The following CEP85L variants were observed in gnomAD, a reference collection of about 807,000 sequenced individuals.
CEP85L encodes centrosomal protein 85L.
A neutral mutation model predicts 100.3 loss-of-function variants in CEP85L; 60 were observed. The observed-to-expected ratio is 0.60, with a 90% CI of 0.49 to 0.74. The LOEUF (loss-of-function observed/expected upper bound fraction) is 0.74, where lower values mean the gene tolerates loss of function less well. CEP85L is among the 30% of genes least tolerant of loss of function. The pLI is 0.00. For synonymous variants in CEP85L, 319 were observed against 322.7 expected (o/e 0.99, Z 0.12); for missense variants, 973 against 936.2 (o/e 1.04, Z -0.51).
intron 2 of CEP85L, among the ~76,000 whole-genome samples, chr6:118,622,418 G>A (rs573401908): frequency 4.6e-5 from 7 of 152,278 alleles, no homozygotes; most frequent in African/African-American, 1.2e-4. Context: ...GACTTATGCC[G>A]CCTGGGAGGA....
intron 5 of CEP85L, among the ~76,000 whole-genome samples, chr6:118,496,960 C>T (rs573834095): frequency 3.3e-5 from 5 of 152,170 alleles, no homozygotes; most frequent in Non-Finnish European, 5.9e-5. Context: ...CAAACATTAG[C>T]AGAAATCTTG....
chr6:118,567,233 G>C (rs12181337), intron 2 of CEP85L, among the ~76,000 whole-genome samples: 1 of 85,946 alleles, frequency 1.2e-5, no homozygotes, highest in African/African-American at 4.3e-5. Context: ...GTGTGTGTGT[G>C]TGTGTGTGTG....
intron 2 of CEP85L, among the ~76,000 whole-genome samples, chr6:118,582,326 G>C (rs565283064): frequency 6.6e-6 from 1 of 152,312 alleles, no homozygotes; most frequent in Admixed American, 6.5e-5. Flanking sequence ...TAAGTATATA[G>C]AAATTTTCCA....
intron 2 of CEP85L, among the ~76,000 whole-genome samples, chr6:118,566,957 G>A (rs888267911): frequency 6.6e-6 from 1 of 151,996 alleles, no homozygotes; most frequent in African/African-American, 2.4e-5. Context: ...ACTGAGAGGT[G>A]TTATTCATAA....
chr6:118,651,763 TG>T, upstream of CEP85L: 1 of 986,242 alleles, frequency 1.0e-6, no homozygotes, highest in Non-Finnish European at 1.2e-6. Context: ...TGGCGGCGAC[TG>T]GGCTGTCCCG....
chr6:118,527,284 C>A (rs1460526554), intron 3 of CEP85L, among the ~76,000 whole-genome samples: 1 of 152,028 alleles, frequency 6.6e-6, no homozygotes, highest in Non-Finnish European at 1.5e-5. Context: ...GGATTACAGG[C>A]ATGAGCCACC....
intron 12 of CEP85L, among the ~76,000 whole-genome samples, chr6:118,466,013 T>TCA (rs148037771): frequency 2.0e-5 from 3 of 151,472 alleles, no homozygotes; most frequent in Admixed American, 6.6e-5. Context: ...ATAGTAAGTG[T>TCA]CACACACACA....
intron 2 of CEP85L, among the ~76,000 whole-genome samples, chr6:118,584,627 C>T (rs1304876515): frequency 6.6e-6 from 1 of 152,158 alleles, no homozygotes; most frequent in Non-Finnish European, 1.5e-5. Context: ...GGAGTATTAA[C>T]ACAGGCCCAA....
intron 1 of CEP85L, among the ~76,000 whole-genome samples, chr6:118,686,135 G>A (rs748066242): frequency 6.6e-6 from 1 of 152,136 alleles, no homozygotes; most frequent in Non-Finnish European, 1.5e-5. Flanking sequence ...TAAAATCAAG[G>A]TCTGTGGAGA....
At chr6:118,682,770 T>TACACAC (rs1562357410) in intron 1 of CEP85L, among the ~76,000 whole-genome samples, 1 of 87,386 alleles carries the variant, frequency 1.1e-5, no homozygotes, top group Non-Finnish European at 2.5e-5. Context: ...TGCCTGAGCA[T>TACACAC]GCACACACAC....
chr6:118,551,159 A>C (rs1368095304), intron 3 of CEP85L, among the ~76,000 whole-genome samples: 2 of 151,948 alleles, frequency 1.3e-5, no homozygotes, highest in East Asian at 3.8e-4. Flanking sequence ...AGAATCAAGT[A>C]GTCTCTTTGT....
At chr6:118,623,320 T>C (rs781502825) in intron 2 of CEP85L, among the ~76,000 whole-genome samples, 1 of 152,208 alleles carries the variant, frequency 6.6e-6, no homozygotes, top group Admixed American at 6.5e-5. Flanking sequence ...ATTTCAATAC[T>C]TGTTGGTCTA....
chr6:118,491,381 T>C (rs946161727), intron 6 of CEP85L: 1 of 804,432 alleles, frequency 1.2e-6, no homozygotes, highest in African/African-American at 1.8e-5. Context: ...ATGCCCAACA[T>C]GACAAAAAAA....
At chr6:118,501,818 GA>G in intron 5 of CEP85L, 3 of 1,264,968 alleles carry the variant, frequency 2.4e-6, no homozygotes, top group South Asian at 1.2e-5. Flanking sequence ...CTGAGAGAGA[GA>G]GAGAGAGAGA....
Position 118,647,093 on chromosome 6 carries a change from T to G in CEP85L, c.73+4104A>C, listed in dbSNP as rs564852322. 8 of 984,250 alleles carry G rather than the reference T, an allele frequency of 8.1e-6. No homozygotes were observed. In the African/African-American group the frequency reaches 1.4e-4, roughly 17 times the overall value. 61.0% of individuals were successfully genotyped at this position (984,250 alleles called of 1,614,324 possible). ...TTTAGGCCAGAGTTATGTTTCATTG[T>G]TACCACAGTATTCCTAGAAGTCCAT... is the stretch of plus-strand genomic sequence containing the variant. On this transcript the variant is annotated intron_variant, in intron 1 of 12. Transcript: ENST00000368491.
intron 2 of CEP85L, among the ~76,000 whole-genome samples, chr6:118,592,275 G>C (rs578131719): frequency 6.7e-6 from 1 of 149,968 alleles, no homozygotes. Flanking sequence ...AGAGAAACTC[G>C]TCTCCACCAC....
chr6:118,536,288 G>A (rs1230575475), intron 3 of CEP85L, among the ~76,000 whole-genome samples: 3 of 152,120 alleles, frequency 2.0e-5, no homozygotes, highest in African/African-American at 7.2e-5. Flanking sequence ...GTAGAGATGG[G>A]TAGGATATAA....
intron 3 of CEP85L, among the ~76,000 whole-genome samples, chr6:118,547,134 C>A (rs997485036): frequency 6.6e-6 from 1 of 152,070 alleles, no homozygotes; most frequent in African/African-American, 2.4e-5. Flanking sequence ...TTACAAGTAC[C>A]TCCTCTAAAA....
chr6:118,490,319 G>A (rs1254329602), intron 6 of CEP85L, among the ~76,000 whole-genome samples: 1 of 152,152 alleles, frequency 6.6e-6, no homozygotes, highest in Non-Finnish European at 1.5e-5. Context: ...TGTTAAAAGG[G>A]TACATCTTGT....
Sources: allele counts gnomAD v4.1 joint callset (sites outside exome capture counted in the v4.1 genomes callset), GRCh38; gene constraint gnomAD v4.1.1; transcripts MANE v1.5; gene names NCBI Gene and HGNC (gene_info 2026-07-23, HGNC 2026-07-21).